The following CSMD3 variants were observed in gnomAD, a reference collection of about 807,000 sequenced individuals.
CSMD3 encodes the protein CUB and Sushi multiple domains 3.
CSMD3 carries 177 observed loss-of-function variants against 435.2 expected under a neutral mutation model. That is an observed-to-expected ratio of 0.41 (90% CI 0.36 to 0.46). The LOEUF is 0.46. Among genes scored for constraint, CSMD3 ranks in the 20% least tolerant of loss-of-function variants. The probability of loss-of-function intolerance (pLI) is 0.34; values close to 1 mark genes in which losing one functional copy is unlikely to be tolerated. For synonymous variants in CSMD3, 1,656 were observed against 1,520.5 expected (o/e 1.09, Z -2.07); for missense variants, 4,265 against 4,504.6 (o/e 0.95, Z 1.52).
chr8:113,071,528 T>C (rs1232469634), intron 5 of CSMD3, among the ~76,000 whole-genome samples: 1 of 151,962 alleles, frequency 6.6e-6, no homozygotes, highest in Non-Finnish European at 1.5e-5. Flanking sequence ...TTCATTCTTC[T>C]TCGTGTAGAT....
chr8:112,645,276 G>A (rs377127820), intron 19 of CSMD3, 51 bp from the exon 20 acceptor site: 153 of 990,776 alleles, frequency 1.5e-4, no homozygotes, highest in Non-Finnish European at 2.2e-4. Context: ...AGAGACAGAG[G>A]GTGAACAAAT....
At chr8:112,944,470 T>C (rs2083544011) in intron 9 of CSMD3, among the ~76,000 whole-genome samples, 2 of 151,784 alleles carry the variant, frequency 1.3e-5, no homozygotes, top group South Asian at 2.1e-4. Context: ...TGCTTTGGTC[T>C]CTTGAATCTC....
At chr8:112,494,472 CTTTTCTTTTG>C (rs1563614897) in intron 30 of CSMD3, among the ~76,000 whole-genome samples, 8 of 100,948 alleles carry the variant, frequency 7.9e-5, no homozygotes, top group Admixed American at 9.3e-5. Context: ...CTTTCTCTTT[CTTTTCTTTTG>C]TTTCTTTCTC....
chr8:112,710,579 T>C (rs1213927925), intron 13 of CSMD3, among the ~76,000 whole-genome samples: 1 of 151,856 alleles, frequency 6.6e-6, no homozygotes, highest in East Asian at 1.9e-4. Flanking sequence ...AACATTTGGT[T>C]TTGTTTTTGT....
intron 1 of CSMD3, among the ~76,000 whole-genome samples, chr8:113,321,285 T>G (rs2093947728): frequency 6.6e-6 from 1 of 152,162 alleles, no homozygotes; most frequent in Non-Finnish European, 1.5e-5. Context: ...CTAACTGATT[T>G]TTGTTTTTAT....
intron 27 of CSMD3, among the ~76,000 whole-genome samples, chr8:112,536,777 C>T: frequency 6.6e-6 from 1 of 151,008 alleles, no homozygotes. Flanking sequence ...CCCAAATGTC[C>T]ATCAATGATA....
intron 32 of CSMD3, among the ~76,000 whole-genome samples, chr8:112,464,373 C>T (rs1817750079): frequency 6.6e-6 from 1 of 151,812 alleles, no homozygotes; most frequent in Admixed American, 6.6e-5. Flanking sequence ...TTGATGAAAA[C>T]TTAAAATAAA....
chr8:113,079,001 G>A (rs1270536161), intron 5 of CSMD3, among the ~76,000 whole-genome samples: 1 of 152,038 alleles, frequency 6.6e-6, no homozygotes, highest in Non-Finnish European at 1.5e-5. Flanking sequence ...AAAAAAAGAT[G>A]TTTGCTTCAC....
intron 16 of CSMD3, among the ~76,000 whole-genome samples, chr8:112,672,710 T>C (rs569064838): frequency 2.0e-5 from 3 of 152,260 alleles, no homozygotes; most frequent in East Asian, 3.9e-4. Flanking sequence ...CAATGAGATA[T>C]GTAAATTCAA....
At chr8:113,400,334 T>C (rs7003686) in intron 1 of CSMD3, among the ~76,000 whole-genome samples, 117,781 of 151,720 alleles carry the variant, frequency 0.78, 46,348 homozygotes, top group East Asian at 0.94. Context: ...AATTTAACAG[T>C]CTCCACCTCC....
chr8:113,261,800 A>G (rs2093429550), intron 3 of CSMD3, among the ~76,000 whole-genome samples: 1 of 152,120 alleles, frequency 6.6e-6, no homozygotes, highest in African/African-American at 2.4e-5. Flanking sequence ...ATTATAGTAT[A>G]CATGGGCATA....
intron 10 of CSMD3, among the ~76,000 whole-genome samples, chr8:112,894,534 C>G (rs929387836): frequency 1.3e-5 from 2 of 151,206 alleles, no homozygotes; most frequent in Non-Finnish European, 3.0e-5. Context: ...GTTTAAGTCT[C>G]ATCTCAATAG....
rs145309974 is a variant in CSMD3, at chr8:112,438,839, A to G, written c.5396-29807T>C. ...ATATAGCTACTACCAAATTCAGTAT[A>G]ATTGTGTAATAAGCTTTTACACCAC... On this transcript the variant is annotated intron_variant, in intron 32 of 70. Transcript: ENST00000297405. Among the ~76,000 whole-genome samples the G allele has an allele frequency of 6.6e-5, 10 of 152,330 alleles. No homozygotes were observed. The East Asian group carries it at 1.5e-3, about 24-fold the overall frequency.
At chr8:112,904,515 T>A (rs1489343573) in intron 10 of CSMD3, among the ~76,000 whole-genome samples, 1 of 151,462 alleles carries the variant, frequency 6.6e-6, no homozygotes, top group Non-Finnish European at 1.5e-5. Flanking sequence ...GAGGCTACCA[T>A]GCTTACTTAG....
At chr8:112,352,594 G>A in intron 38 of CSMD3, 60 bp from the exon 39 acceptor site, 1 of 1,435,134 alleles carries the variant, frequency 7.0e-7, no homozygotes, top group South Asian at 1.1e-5. Flanking sequence ...CTTAAGTTAT[G>A]CATATTAAGT....
chr8:112,825,196 G>A (rs1449944950), intron 12 of CSMD3, among the ~76,000 whole-genome samples: 1 of 152,026 alleles, frequency 6.6e-6, no homozygotes, highest in Non-Finnish European at 1.5e-5. Context: ...ATTCTAGTTA[G>A]CAGCTCCTGT....
At chr8:112,626,102 A>G (rs888349687) in intron 22 of CSMD3, among the ~76,000 whole-genome samples, 9 of 152,164 alleles carry the variant, frequency 5.9e-5, no homozygotes, top group African/African-American at 2.2e-4. Flanking sequence ...TTTGAGGTAA[A>G]GACAAAATAT....
At chr8:113,432,494 A>C (rs1024969782) in intron 1 of CSMD3, among the ~76,000 whole-genome samples, 1 of 152,176 alleles carries the variant, frequency 6.6e-6, no homozygotes, top group African/African-American at 2.4e-5. Flanking sequence ...CACTTTGGCT[A>C]CTCAGATGGC....
At chr8:113,105,183 A>G in intron 4 of CSMD3, among the ~76,000 whole-genome samples, 1 of 152,088 alleles carries the variant, frequency 6.6e-6, no homozygotes, top group East Asian at 1.9e-4. Context: ...CTTAAAAATT[A>G]AAACTGAGAA....
Sources: allele counts gnomAD v4.1 joint callset (sites outside exome capture counted in the v4.1 genomes callset), GRCh38; gene constraint gnomAD v4.1.1; transcripts MANE v1.5; gene names NCBI Gene and HGNC (gene_info 2026-07-23, HGNC 2026-07-21).